Variants in PLPP4 observed in about 807,000 individuals in gnomAD.
PLPP4 encodes diacylglycerol pyrophosphate like 2.
Under a neutral mutation model 32.2 loss-of-function variants are expected in PLPP4, and 20 were observed. That is an observed-to-expected ratio of 0.62 (90% confidence interval 0.44 to 0.90). PLPP4 has a LOEUF of 0.90. Ranked by LOEUF, PLPP4 falls within the 40% of genes least tolerant of loss-of-function variation. The pLI is 0.00. For missense variants in PLPP4, 257 were observed against 353.1 expected (o/e 0.73, Z 2.18); for synonymous variants, 127 against 133.0 (o/e 0.95, Z 0.31).
At chr10:120,508,769 A>G (rs1456782057) in intron 2 of PLPP4, among the ~76,000 whole-genome samples, 2 of 152,118 alleles carry the variant, frequency 1.3e-5, no homozygotes, top group Non-Finnish European at 2.9e-5. Context: ...TCTCTCCCCA[A>G]CCTCCTCCTG....
At position 120,581,060 on chromosome 10, in the gene PLPP4, C is replaced by T. The variant is rs963457560; in HGVS notation, c.616+5759C>T. 2.3e-6 allele frequency: 3 copies of T among 1,283,376 alleles called. No individual in the cohort carries two copies. The African/African-American group carries it at 4.6e-5, about 20-fold the overall frequency. The allele number at this position is 1,283,376 out of a possible 1,614,324, so 79.5% of individuals were successfully genotyped here. On this transcript the variant is annotated intron_variant, in intron 6 of 6. Coordinates refer to ENST00000398250, the MANE Select transcript of PLPP4 (RefSeq NM_001030059.3). ...AAGCCTCAGCCCCTGGCTCACCCCT[C>T]CCTCCGGTCAAAGTCCACTGCATAT...
chr10:120,514,879 A>G (rs1346818576), intron 3 of PLPP4, among the ~76,000 whole-genome samples: 1 of 152,218 alleles, frequency 6.6e-6, no homozygotes, highest in Non-Finnish European at 1.5e-5. Context: ...TGGACTTACC[A>G]TTCAATGGGC....
chr10:120,577,818 T>G (rs1416075507), intron 6 of PLPP4, among the ~76,000 whole-genome samples: 3 of 152,220 alleles, frequency 2.0e-5, no homozygotes, highest in African/African-American at 4.8e-5. Context: ...CAACTTCCCT[T>G]GGATGCTCTA....
chr10:120,513,498 T>A (rs1332036418), intron 2 of PLPP4, among the ~76,000 whole-genome samples: 1 of 152,178 alleles, frequency 6.6e-6, no homozygotes, highest in Admixed American at 6.5e-5. Flanking sequence ...AGAAAATGAA[T>A]TGATTGACTC....
intron 5 of PLPP4, among the ~76,000 whole-genome samples, chr10:120,559,630 C>T (rs4752436): frequency 0.35 from 49,326 of 141,368 alleles, 8,120 homozygotes; most frequent in East Asian, 0.46. Flanking sequence ...TTTTTTTTTT[C>T]AATGAATATA....
intron 5 of PLPP4, among the ~76,000 whole-genome samples, chr10:120,527,701 C>T (rs1564817271): frequency 6.6e-6 from 1 of 152,018 alleles, no homozygotes; most frequent in Non-Finnish European, 1.5e-5. Context: ...TCTTGCTTTG[C>T]CTCAGTGTTA....
At chr10:120,547,470 C>T (rs1380350093) in intron 5 of PLPP4, among the ~76,000 whole-genome samples, 1 of 152,078 alleles carries the variant, frequency 6.6e-6, no homozygotes, top group Non-Finnish European at 1.5e-5. Context: ...AGGAGAAACC[C>T]AGTAGGAGAA....
At chr10:120,535,506 G>T (rs1274208371) in intron 5 of PLPP4, among the ~76,000 whole-genome samples, 4 of 151,980 alleles carry the variant, frequency 2.6e-5, no homozygotes, top group African/African-American at 4.8e-5. Flanking sequence ...CTTGTTTTTT[G>T]TGTGTGTGTC....
intron 5 of PLPP4, among the ~76,000 whole-genome samples, chr10:120,572,045 C>T (rs1276303825): frequency 6.6e-6 from 1 of 152,194 alleles, no homozygotes; most frequent in Non-Finnish European, 1.5e-5. Flanking sequence ...CTGGCTGCTG[C>T]TGGGTGCCCA....
At chr10:120,462,255 A>G (rs1035773946) in intron 1 of PLPP4, among the ~76,000 whole-genome samples, 4 of 152,132 alleles carry the variant, frequency 2.6e-5, no homozygotes, top group Non-Finnish European at 5.9e-5. Flanking sequence ...AGTGGCAGGA[A>G]GGGAGCCTGG....
chr10:120,466,564 T>C (rs895366057), intron 1 of PLPP4, among the ~76,000 whole-genome samples: 3 of 152,154 alleles, frequency 2.0e-5, no homozygotes, highest in Non-Finnish European at 2.9e-5. Context: ...GAAGGGGGCT[T>C]GGCAGACTGG....
intron 6 of PLPP4, among the ~76,000 whole-genome samples, chr10:120,587,100 AC>A (rs1468322356): frequency 1.3e-5 from 2 of 152,190 alleles, no homozygotes; most frequent in Non-Finnish European, 2.9e-5. Context: ...TCGGAACAGC[AC>A]ATGTGGAGCC....
At chr10:120,506,463 T>C (rs1189828581) in intron 2 of PLPP4, among the ~76,000 whole-genome samples, 1 of 152,244 alleles carries the variant, frequency 6.6e-6, no homozygotes, top group African/African-American at 2.4e-5. Context: ...TTCACTGATG[T>C]ATAAAATGGC....
chr10:120,503,963 T>C, intron 2 of PLPP4, 37 bp downstream of exon 2: 1 of 1,386,732 alleles, frequency 7.2e-7, no homozygotes. Context: ...TTGACTGCTC[T>C]CTCAAAGATG....
At chr10:120,489,033 A>ATCCTTCCC (rs1406561231) in intron 1 of PLPP4, among the ~76,000 whole-genome samples, 2 of 152,062 alleles carry the variant, frequency 1.3e-5, no homozygotes, top group Non-Finnish European at 2.9e-5. Flanking sequence ...TGATCAGCTG[A>ATCCTTCCC]TCCTTCCCTC....
chr10:120,581,631 C>T (rs181307486), intron 6 of PLPP4, among the ~76,000 whole-genome samples: 52 of 152,264 alleles, frequency 3.4e-4, no homozygotes, highest in African/African-American at 9.4e-4. Context: ...TGAACAGGCC[C>T]GTCCCATCCC....
At chr10:120,462,644 A>G (rs1330022708) in intron 1 of PLPP4, among the ~76,000 whole-genome samples, 2 of 152,204 alleles carry the variant, frequency 1.3e-5, no homozygotes, top group Non-Finnish European at 2.9e-5. Flanking sequence ...CATCAGTCCA[A>G]AGCAAAGCTA....
At chr10:120,550,784 T>C (rs1847861824) in intron 5 of PLPP4, among the ~76,000 whole-genome samples, 1 of 152,034 alleles carries the variant, frequency 6.6e-6, no homozygotes, top group Non-Finnish European at 1.5e-5. Flanking sequence ...AAAGTTCATC[T>C]ATAAATCATA....
intron 1 of PLPP4, among the ~76,000 whole-genome samples, chr10:120,498,747 A>C (rs1005946699): frequency 5.4e-5 from 8 of 149,242 alleles, no homozygotes; most frequent in African/African-American, 2.0e-4. Flanking sequence ...TGCAACCTCC[A>C]CCTCCTGGGT....
Sources: allele counts gnomAD v4.1 joint callset (sites outside exome capture counted in the v4.1 genomes callset), GRCh38; gene constraint gnomAD v4.1.1; transcripts MANE v1.5; gene names NCBI Gene and HGNC (gene_info 2026-07-23, HGNC 2026-07-21).